CNTN5: variants seen among roughly 807,000 people sequenced by gnomAD.
The protein encoded by CNTN5 is contactin 5.
A neutral mutation model predicts 129.1 loss-of-function variants in CNTN5; 77 were observed. The ratio of observed to expected loss-of-function variants is 0.60; its 90% CI spans 0.50 to 0.72. The LOEUF is 0.72. Ranked by LOEUF, CNTN5 falls within the 30% of genes least tolerant of loss-of-function variation. The pLI is 0.00. For synonymous variants in CNTN5, 509 were observed against 465.6 expected (o/e 1.09, Z -1.20); for missense variants, 1,478 against 1,328.8 (o/e 1.11, Z -1.75).
At chr11:99,589,437 A>G (rs1026928397) in intron 3 of CNTN5, among the ~76,000 whole-genome samples, 1 of 152,232 alleles carries the variant, frequency 6.6e-6, no homozygotes, top group Non-Finnish European at 1.5e-5. Context: ...GCAGAAAAAT[A>G]CTGCTTCCAA....
At chr11:99,099,002 G>A (rs999535144) in intron 1 of CNTN5, among the ~76,000 whole-genome samples, 6 of 152,084 alleles carry the variant, frequency 3.9e-5, no homozygotes, top group Admixed American at 2.6e-4. Flanking sequence ...AAGCAGTACT[G>A]GTCTAAGTTG....
intron 1 of CNTN5, among the ~76,000 whole-genome samples, chr11:99,278,498 TAA>T (rs1337917819): frequency 6.6e-6 from 1 of 151,722 alleles, no homozygotes; most frequent in East Asian, 1.9e-4. Flanking sequence ...TACTTGAGAT[TAA>T]GTTTGGTATA....
intron 1 of CNTN5, among the ~76,000 whole-genome samples, chr11:99,058,137 A>G (rs1409715375): frequency 2.6e-5 from 4 of 152,122 alleles, no homozygotes; most frequent in Middle Eastern, 3.4e-3. Flanking sequence ...TATAAAGACT[A>G]TGTATTTTAT....
chr11:100,185,663 G>C lies in CNTN5; in HGVS notation c.1581-5463G>C, dbSNP rs1591368437. Reference sequence around the variant, plus strand: ...CTCAATTTAAATGTATTTGAGGGAGGGCTTCTAAGAAGTAATTAAAGTTAA... The same window carrying C: ...CTCAATTTAAATGTATTTGAGGGAGCGCTTCTAAGAAGTAATTAAAGTTAA... On this transcript the variant is annotated intron_variant, in intron 13 of 24. Coordinates refer to ENST00000524871, the MANE Select transcript of CNTN5 (RefSeq NM_014361.4). 5.9e-5 allele frequency among the ~76,000 whole-genome samples: 9 copies of C among 152,236 alleles called. No homozygotes were observed. The South Asian group carries it at 1.9e-3, about 32-fold the overall frequency.
intron 13 of CNTN5, among the ~76,000 whole-genome samples, chr11:100,159,706 G>A (rs1443942179): frequency 1.3e-5 from 2 of 151,872 alleles, no homozygotes; most frequent in Non-Finnish European, 2.9e-5. Flanking sequence ...AGGTCGTTAG[G>A]TTCTCCTTCT....
At chr11:99,121,571 TAAAAAA>T (rs1411170177) in intron 1 of CNTN5, among the ~76,000 whole-genome samples, 2 of 152,156 alleles carry the variant, frequency 1.3e-5, no homozygotes, top group East Asian at 3.9e-4. Flanking sequence ...AAAGTTTTCT[TAAAAAA>T]GAGAGCTTGT....
At chr11:100,107,986 A>ATTTT (rs35920036) in intron 13 of CNTN5, among the ~76,000 whole-genome samples, 3 of 142,492 alleles carry the variant, frequency 2.1e-5, no homozygotes, top group Admixed American at 7.1e-5. Flanking sequence ...AGTGGGGATA[A>ATTTT]TTTTTTTTTT....
At chr11:99,321,599 G>T (rs185728846) in intron 1 of CNTN5, among the ~76,000 whole-genome samples, 2 of 152,098 alleles carry the variant, frequency 1.3e-5, no homozygotes, top group East Asian at 3.9e-4. Flanking sequence ...TCAAAGACTT[G>T]GTTACTTCTT....
intron 2 of CNTN5, among the ~76,000 whole-genome samples, chr11:99,410,950 T>C (rs1001716235): frequency 1.3e-5 from 2 of 152,176 alleles, no homozygotes. Flanking sequence ...TATACAGTAA[T>C]AGAAAGCAAG....
intron 21 of CNTN5, among the ~76,000 whole-genome samples, chr11:100,316,625 T>C (rs974528115): frequency 2.6e-5 from 4 of 152,152 alleles, no homozygotes; most frequent in Non-Finnish European, 5.9e-5. Flanking sequence ...ATAAAATAGT[T>C]ATATTAACTG....
At chr11:99,347,126 T>C (rs542085060) in intron 2 of CNTN5, among the ~76,000 whole-genome samples, 34 of 152,350 alleles carry the variant, frequency 2.2e-4, no homozygotes, top group African/African-American at 7.9e-4. Context: ...TTTGGCTTAA[T>C]ATCCCTGATT....
chr11:99,397,357 A>T (rs1941578419), intron 2 of CNTN5, among the ~76,000 whole-genome samples: 1 of 151,448 alleles, frequency 6.6e-6, no homozygotes, highest in African/African-American at 2.4e-5. Flanking sequence ...CTATGTAACT[A>T]CTCTTTTATT....
chr11:99,043,893 C>T (rs1244527597), intron 1 of CNTN5, among the ~76,000 whole-genome samples: 1 of 152,084 alleles, frequency 6.6e-6, no homozygotes, highest in Non-Finnish European at 1.5e-5. Context: ...TTCATGTGAC[C>T]ATTTCAGCTC....
intron 1 of CNTN5, among the ~76,000 whole-genome samples, chr11:99,156,675 A>G (rs1860350282): frequency 6.6e-6 from 1 of 151,920 alleles, no homozygotes. Context: ...TTTTTCTCAA[A>G]CTAGGCTTTT....
At chr11:99,483,492 A>C (rs1945685433) in intron 2 of CNTN5, among the ~76,000 whole-genome samples, 1 of 152,128 alleles carries the variant, frequency 6.6e-6, no homozygotes, top group South Asian at 2.1e-4. Flanking sequence ...CTTAGTGCAC[A>C]TTCTTGAGCC....
chr11:99,257,725 T>C (rs1261087394), intron 1 of CNTN5, among the ~76,000 whole-genome samples: 1 of 152,060 alleles, frequency 6.6e-6, no homozygotes, highest in South Asian at 2.1e-4. Flanking sequence ...GTCTTCATAT[T>C]ATAGTATACA....
At chr11:99,075,957 C>A (rs1476791093) in intron 1 of CNTN5, among the ~76,000 whole-genome samples, 1 of 152,096 alleles carries the variant, frequency 6.6e-6, no homozygotes, top group Non-Finnish European at 1.5e-5. Flanking sequence ...AATTAAGTAA[C>A]ATGTCTTTTG....
chr11:100,143,107 A>G (rs936515409), intron 13 of CNTN5, among the ~76,000 whole-genome samples: 1 of 152,160 alleles, frequency 6.6e-6, no homozygotes, highest in African/African-American at 2.4e-5. Context: ...CTGCAACACT[A>G]CTGGTCTCAA....
At chr11:100,082,642 T>G (rs2161053) in intron 13 of CNTN5, among the ~76,000 whole-genome samples, 120,171 of 152,012 alleles carry the variant, frequency 0.79, 48,337 homozygotes, top group East Asian at 1. Context: ...AGGACAATGA[T>G]AAAATAATGG....
Sources: allele counts gnomAD v4.1 joint callset (sites outside exome capture counted in the v4.1 genomes callset), GRCh38; gene constraint gnomAD v4.1.1; transcripts MANE v1.5; gene names NCBI Gene and HGNC (gene_info 2026-07-23, HGNC 2026-07-21).